Variants in ABHD18 observed in about 807,000 individuals in gnomAD.
ABHD18 encodes abhydrolase domain containing 18.
In ABHD18, 55 loss-of-function variants were observed where a neutral mutation model predicts 65.9. The ratio of observed to expected loss-of-function variants is 0.84; its 90% CI spans 0.67 to 1.05. The LOEUF (loss-of-function observed/expected upper bound fraction) is 1.05. ABHD18 is among the 50% of genes least tolerant of loss of function. The pLI, the probability that ABHD18 is intolerant of heterozygous loss-of-function variation, is 0.00. For missense variants in ABHD18, 533 were observed against 558.5 expected, an observed-to-expected ratio of 0.95 and a Z score of 0.46; for synonymous variants, 181 against 180.2, an observed-to-expected ratio of 1.00 and a Z score of -0.04.
chr4:128,030,289 C>G (rs1475120625), intron 11 of ABHD18, among the ~76,000 whole-genome samples: 5 of 152,164 alleles, frequency 3.3e-5, no homozygotes, highest in Non-Finnish European at 7.3e-5. Flanking sequence ...TACCCACACC[C>G]ACACAAAAGA....
At chr4:127,966,309 A>G (rs1362231786) in intron 1 of ABHD18, among the ~76,000 whole-genome samples, 1 of 152,210 alleles carries the variant, frequency 6.6e-6, no homozygotes, top group African/African-American at 2.4e-5. Flanking sequence ...CCTATGAGAT[A>G]GGCGAAGCAG....
chr4:128,029,326 C>T (rs1019508712), intron 11 of ABHD18, among the ~76,000 whole-genome samples: 1 of 152,092 alleles, frequency 6.6e-6, no homozygotes, highest in Non-Finnish European at 1.5e-5. Context: ...CACCACTGCA[C>T]TCCATCCTGG....
At chr4:127,979,915 C>CAAAAAAA (rs59944314) in intron 1 of ABHD18, among the ~76,000 whole-genome samples, 6 of 66,504 alleles carry the variant, frequency 9.0e-5, no homozygotes, top group African/African-American at 1.7e-4. Flanking sequence ...GACTCCATCT[C>CAAAAAAA]AAAAAAAAAA....
chr4:127,979,162 C>T (rs1447836843), intron 1 of ABHD18, among the ~76,000 whole-genome samples: 1 of 152,154 alleles, frequency 6.6e-6, no homozygotes, highest in African/African-American at 2.4e-5. Context: ...TGAGGTGGAT[C>T]TGTATACCCT....
intron 1 of ABHD18, among the ~76,000 whole-genome samples, chr4:127,972,605 C>T (rs1197759311): frequency 7.1e-6 from 1 of 140,382 alleles, no homozygotes; most frequent in Non-Finnish European, 1.5e-5. Context: ...AGGGTTTCAC[C>T]ATGTTGGCCG....
chr4:128,001,818 G>A, intron 4 of ABHD18: 1 of 1,471,110 alleles, frequency 6.8e-7, no homozygotes, highest in Non-Finnish European at 9.0e-7. Context: ...TATCCTTAGT[G>A]GTTAGATGTT....
At chr4:127,998,128 A>G (rs1752045887) in intron 4 of ABHD18, among the ~76,000 whole-genome samples, 1 of 151,918 alleles carries the variant, frequency 6.6e-6, no homozygotes, top group Admixed American at 6.6e-5. Flanking sequence ...GGCTCAAGGG[A>G]TCCTCCTGCC....
intron 1 of ABHD18, among the ~76,000 whole-genome samples, chr4:127,974,226 C>T (rs1483689040): frequency 2.3e-4 from 25 of 110,784 alleles, no homozygotes; most frequent in Non-Finnish European, 1.7e-5. Flanking sequence ...GAGACAGAGT[C>T]TTACTCTGTC....
intron 11 of ABHD18, among the ~76,000 whole-genome samples, chr4:128,030,187 T>A (rs142808777): frequency 6.6e-6 from 1 of 152,276 alleles, no homozygotes; most frequent in East Asian, 1.9e-4. Flanking sequence ...ATTGAGGCGA[T>A]GCATACCTTA....
At chr4:127,979,583 GGAACAAGGTATTAAATGGATA>G (rs1184396937) in intron 1 of ABHD18, among the ~76,000 whole-genome samples, 2 of 151,398 alleles carry the variant, frequency 1.3e-5, no homozygotes, top group Non-Finnish European at 2.9e-5. Flanking sequence ...ACCAATGGAT[GGAACAAGGTATTAAATGGATA>G]GAACAAGGTA....
intron 1 of ABHD18, among the ~76,000 whole-genome samples, chr4:127,977,171 A>C (rs1314323308): frequency 1.3e-5 from 2 of 151,086 alleles, no homozygotes; most frequent in African/African-American, 4.9e-5. Context: ...ATAATCAGAA[A>C]TCTGTTTAAA....
rs1036803569 is a variant in ABHD18 at position 128,039,188 on chromosome 4, C to G, written c.*3375C>G. 3 of 122,138 alleles carry G rather than the reference C, an allele frequency of 2.5e-5. No homozygotes were observed. The highest frequency in any genetic ancestry group is 3.4e-5 in the Non-Finnish European group (2 of 58,574). 7.6% of individuals were successfully genotyped at this position (122,138 alleles called of 1,614,324 possible). A position where few individuals can be genotyped will look rare whatever the true frequency, so the allele number is the denominator to read the frequency against. ...ATATATATATATATATATATATAAT[C>G]TCAAAGAAGTGCGGTCTGCCATTTA... On this transcript the variant is annotated 3_prime_UTR_variant, in exon 13 of 13. Transcript: ENST00000645843.
intron 1 of ABHD18, among the ~76,000 whole-genome samples, chr4:127,972,628 A>C (rs1020656409): frequency 2.1e-5 from 3 of 142,520 alleles, no homozygotes; most frequent in African/African-American, 8.0e-5. Flanking sequence ...CTGGTTTTGA[A>C]CTCCTGACTT....
At chr4:128,014,292 C>G (rs1755112053) in intron 7 of ABHD18, among the ~76,000 whole-genome samples, 1 of 152,038 alleles carries the variant, frequency 6.6e-6, no homozygotes, top group South Asian at 2.1e-4. Context: ...TGAAGAATTT[C>G]CACTTTGGAA....
chr4:128,007,849 G>C (rs1579328961), intron 4 of ABHD18, among the ~76,000 whole-genome samples: 1 of 151,836 alleles, frequency 6.6e-6, no homozygotes, highest in Non-Finnish European at 1.5e-5. Context: ...TAATGAATCA[G>C]ATTCTATCAT....
intron 4 of ABHD18, among the ~76,000 whole-genome samples, chr4:127,992,785 C>G (rs1396957910): frequency 1.3e-5 from 2 of 152,134 alleles, no homozygotes; most frequent in East Asian, 3.9e-4. Flanking sequence ...CTCATGTGAT[C>G]CTCCTGCCTT....
chr4:128,017,964 C>T (rs1026174152), intron 8 of ABHD18, among the ~76,000 whole-genome samples: 1 of 152,152 alleles, frequency 6.6e-6, no homozygotes, highest in African/African-American at 2.4e-5. Flanking sequence ...ATTTCTCCTC[C>T]ACACCCTAAC....
At chr4:128,018,167 T>G (rs1209760313) in intron 8 of ABHD18, among the ~76,000 whole-genome samples, 1 of 152,186 alleles carries the variant, frequency 6.6e-6, no homozygotes, top group Non-Finnish European at 1.5e-5. Flanking sequence ...AGACTATACT[T>G]CAAACTCTGA....
Position 128,020,095 on chromosome 4 carries a change from G to A in ABHD18, c.625G>A (p.Val209Ile). ...TATATTACAGATGGCTTCCTTAGCGGTATCCAACTGGCCTAAGCCCATGCC... is the reference window on the plus strand; with the variant it reads ...TATATTACAGATGGCTTCCTTAGCGATATCCAACTGGCCTAAGCCCATGCC... ...SMGGHMASLA[V>I]SNWPKPMPLI... The change falls in exon 9 of 13, where the codon GTA becomes ATA. Residue 209 changes from valine (V) to isoleucine (I), a missense_variant. Around this residue, in one of 3 missense-constraint regions of ABHD18, gnomAD observed 309 missense variants for 313.5 expected, o/e 0.99. Coordinates refer to ENST00000645843, the MANE Select transcript of ABHD18 (RefSeq NM_001358451.3). 6.2e-7 allele frequency: 1 copy of A among 1,612,606 alleles called. No individual in the cohort carries two copies. Among genetic ancestry groups the A allele is most frequent in the Non-Finnish European group, 8.5e-7 (1 of 1,179,016 alleles).
Sources: gnomAD v4.1 joint callset for allele counts (sites outside exome capture counted in the v4.1 genomes callset) on GRCh38, gnomAD v4.1.1 for gene constraint, gnomAD v4.1.1 regional missense constraint, MANE v1.5 for transcripts, NCBI Gene and HGNC (gene_info 2026-07-23, HGNC 2026-07-21) for gene names.